EEIG2: variants seen among roughly 807,000 people sequenced by gnomAD.
EEIG2 encodes the protein EEIG family member 2.
the EEIG2 span, among the ~76,000 whole-genome samples, chr1:108,562,519 ATAGT>A: frequency 2.0e-5 from 3 of 152,220 alleles, no homozygotes; most frequent in African/African-American, 7.2e-5. Flanking sequence ...TTAGGTAGAG[ATAGT>A]TGGTGTAAAG....
At chr1:108,628,600 A>G in the EEIG2 span, 2 of 1,585,186 alleles carry the variant, frequency 1.3e-6, no homozygotes, top group Non-Finnish European at 1.7e-6. Flanking sequence ...CTTTTAGTTT[A>G]AAGAATAAAT....
chr1:108,580,755 AG>A, the EEIG2 span, among the ~76,000 whole-genome samples: 2 of 152,138 alleles, frequency 1.3e-5, no homozygotes, highest in Non-Finnish European at 2.9e-5. Flanking sequence ...GCAAAAGAAA[AG>A]TTTGAAGCTA....
At chr1:108,606,671 C>T in the EEIG2 span, among the ~76,000 whole-genome samples, 5 of 152,284 alleles carry the variant, frequency 3.3e-5, no homozygotes, top group South Asian at 2.1e-4. Flanking sequence ...AGAATGTGCT[C>T]ACCTTTTTGC....
chr1:108,637,279 G>A, the EEIG2 span: 1 of 151,976 alleles, frequency 6.6e-6, no homozygotes, highest in African/African-American at 2.4e-5. Context: ...CACTGATAAG[G>A]AAGAAAAAAG....
the EEIG2 span, among the ~76,000 whole-genome samples, chr1:108,603,800 A>G: frequency 6.6e-6 from 1 of 152,262 alleles, no homozygotes. Context: ...ATTAAATTCT[A>G]AAACTGAAAA....
At chr1:108,587,729 G>T in the EEIG2 span, among the ~76,000 whole-genome samples, 2 of 152,084 alleles carry the variant, frequency 1.3e-5, no homozygotes, top group South Asian at 2.1e-4. Flanking sequence ...GCTTTCATCA[G>T]ATTTCCCAGT....
At chr1:108,616,124 C>CTTTTTTTTT in the EEIG2 span, among the ~76,000 whole-genome samples, 1 of 129,802 alleles carries the variant, frequency 7.7e-6, no homozygotes, top group African/African-American at 2.8e-5. Flanking sequence ...CCCACTTCTT[C>CTTTTTTTTT]TTTTTTTTTT....
the EEIG2 span, among the ~76,000 whole-genome samples, chr1:108,632,828 G>A: frequency 6.6e-6 from 1 of 152,038 alleles, no homozygotes; most frequent in Non-Finnish European, 1.5e-5. Context: ...CTAAGAGATA[G>A]GGTCTCACCC....
the EEIG2 span, chr1:108,629,501 G>A: frequency 2.1e-6 from 2 of 967,180 alleles, no homozygotes; most frequent in African/African-American, 3.4e-5. Context: ...ATAAACAATT[G>A]TAAAATATGA....
the EEIG2 span, among the ~76,000 whole-genome samples, chr1:108,596,347 C>G: frequency 6.6e-6 from 1 of 151,992 alleles, no homozygotes. Flanking sequence ...TATGGAAAAG[C>G]ACAGTCCCCA....
chr1:108,589,592 C>A, the EEIG2 span, among the ~76,000 whole-genome samples: 1 of 152,012 alleles, frequency 6.6e-6, no homozygotes, highest in Non-Finnish European at 1.5e-5. Context: ...AACGTAATCT[C>A]CTTTGCTTCT....
chr1:108,626,431 C>G, the EEIG2 span: 1 of 152,304 alleles, frequency 6.6e-6, no homozygotes, highest in Admixed American at 6.5e-5. Flanking sequence ...CCTCAGGTGT[C>G]TCTAATTCCG....
chr1:108,634,747 G>C, the EEIG2 span, among the ~76,000 whole-genome samples: 1 of 152,154 alleles, frequency 6.6e-6, no homozygotes, highest in Admixed American at 6.5e-5. Context: ...CTCAGTGCAA[G>C]TCCTGATGCA....
chr1:108,631,309 A>G, the EEIG2 span, among the ~76,000 whole-genome samples: 4 of 152,356 alleles, frequency 2.6e-5, no homozygotes, highest in African/African-American at 4.8e-5. Context: ...TTGGAACACA[A>G]CCATGCCTGT....
At chr1:108,593,370 T>G in the EEIG2 span, among the ~76,000 whole-genome samples, 1 of 152,114 alleles carries the variant, frequency 6.6e-6, no homozygotes, top group African/African-American at 2.4e-5. Context: ...GGTAAAAGGG[T>G]ATGTTTCAAC....
the EEIG2 span, among the ~76,000 whole-genome samples, chr1:108,574,986 A>G: frequency 6.6e-6 from 1 of 152,232 alleles, no homozygotes; most frequent in East Asian, 1.9e-4. Context: ...TCCTGCAATC[A>G]TTCTATCAAC....
chr1:108,584,685 T>C, the EEIG2 span, among the ~76,000 whole-genome samples: 42 of 152,184 alleles, frequency 2.8e-4, no homozygotes, highest in African/African-American at 9.6e-4. Context: ...ATTAACATTT[T>C]ATCTGCTATT....
chr1:108,616,145 A>C, the EEIG2 span, among the ~76,000 whole-genome samples: 1 of 124,884 alleles, frequency 8.0e-6, no homozygotes, highest in South Asian at 2.5e-4. Context: ...TTTTTTTTTA[A>C]TAGAGACAGG....
At chr1:108,631,101 T>C in the EEIG2 span, 1 of 391,210 alleles carries the variant, frequency 2.6e-6, no homozygotes, top group Non-Finnish European at 5.2e-6. Context: ...TTACAGAAGA[T>C]GTAACACTAT....
Sources: allele counts gnomAD v4.1 joint callset (sites outside exome capture counted in the v4.1 genomes callset), GRCh38; gene constraint gnomAD v4.1.1; transcripts MANE v1.5; gene names NCBI Gene and HGNC (gene_info 2026-07-23, HGNC 2026-07-21).